CCDC148: variants seen among roughly 807,000 people sequenced by gnomAD.
The protein encoded by CCDC148 is coiled-coil domain-containing protein 148.
In CCDC148, 89 loss-of-function variants were observed where a neutral mutation model predicts 85.7. The observed-to-expected ratio is 1.04, with a 90% CI of 0.87 to 1.24. The LOEUF (loss-of-function observed/expected upper bound fraction) is 1.24, where lower values mean the gene tolerates loss of function less well. Ranked by LOEUF, CCDC148 falls within the 50% of genes most tolerant of loss-of-function variation. The pLI is 0.00. For missense variants in CCDC148, 692 were observed against 671.7 expected (o/e 1.03, Z -0.33); for synonymous variants, 230 against 213.9 (o/e 1.08, Z -0.66).
At chr2:158,351,664 T>A (rs1683300893) in intron 2 of CCDC148, among the ~76,000 whole-genome samples, 1 of 152,160 alleles carries the variant, frequency 6.6e-6, no homozygotes, top group African/African-American at 2.4e-5. Context: ...CGCCCGCCAT[T>A]GCCCAGGCTT....
rs549738058 is a variant in CCDC148 at position 158,389,192 on chromosome 2, T to C, written c.26-30622A>G. 5.9e-5 allele frequency among the ~76,000 whole-genome samples: 9 copies of C among 152,320 alleles called. No homozygotes were observed. The East Asian group carries it at 1.7e-3, about 29-fold the overall frequency. ...GAGAACTTAAAAATCTCACAGCATA[T>C]GTTGGTGGTCCCCAATATGAGAAAC... On this transcript the variant is annotated intron_variant, in intron 1 of 13. Transcript: ENST00000283233.
chr2:158,433,838 C>T (rs1360980922), intron 1 of CCDC148, among the ~76,000 whole-genome samples: 5 of 152,244 alleles, frequency 3.3e-5, no homozygotes, highest in African/African-American at 9.6e-5. Context: ...CTGTGCCTGG[C>T]TCAGAGGGTC....
chr2:158,307,374 A>C (rs565114256), intron 9 of CCDC148, among the ~76,000 whole-genome samples: 7 of 152,322 alleles, frequency 4.6e-5, no homozygotes, highest in Non-Finnish European at 7.3e-5. Context: ...ATGAGGTACC[A>C]CTACTCAGTC....
At chr2:158,442,726 C>T (rs1206945136) in intron 1 of CCDC148, among the ~76,000 whole-genome samples, 2 of 152,234 alleles carry the variant, frequency 1.3e-5, no homozygotes, top group Admixed American at 1.3e-4. Flanking sequence ...TTCCAGCCTG[C>T]GCTGAAGTCA....
intron 7 of CCDC148, among the ~76,000 whole-genome samples, chr2:158,330,408 G>T (rs565793861): frequency 6.6e-6 from 1 of 152,262 alleles, no homozygotes; most frequent in East Asian, 1.9e-4. Flanking sequence ...GATTCAGTTT[G>T]CCAGCATTTT....
At chr2:158,332,988 G>A (rs1388309129) in intron 7 of CCDC148, among the ~76,000 whole-genome samples, 1 of 151,920 alleles carries the variant, frequency 6.6e-6, no homozygotes, top group Admixed American at 6.6e-5. Flanking sequence ...AGCAGTTCCT[G>A]GATTCATTGA....
chr2:158,233,666 G>C (rs1437200898), intron 10 of CCDC148, among the ~76,000 whole-genome samples: 3 of 151,996 alleles, frequency 2.0e-5, no homozygotes, highest in African/African-American at 7.3e-5. Context: ...CATTTAGCCA[G>C]TTCATGCAGG....
At chr2:158,314,021 A>G (rs1042291793) in intron 7 of CCDC148, 127 bp from the exon 8 acceptor site, 12 of 799,496 alleles carry the variant, frequency 1.5e-5, no homozygotes, top group African/African-American at 1.4e-4. Flanking sequence ...TTTTAAATAC[A>G]TTAGCCAAAT....
chr2:158,336,768 A>C (rs1682408125), intron 7 of CCDC148, among the ~76,000 whole-genome samples: 1 of 152,128 alleles, frequency 6.6e-6, no homozygotes, highest in African/African-American at 2.4e-5. Context: ...ACAATCATTT[A>C]TTTAAAGATG....
intron 11 of CCDC148, among the ~76,000 whole-genome samples, chr2:158,188,708 T>C (rs868611054): frequency 6.6e-6 from 1 of 151,762 alleles, no homozygotes. Flanking sequence ...CTAAGTCTTC[T>C]AAAAATGCAA....
chr2:158,235,060 A>T (rs1688038542), intron 10 of CCDC148, among the ~76,000 whole-genome samples: 1 of 152,196 alleles, frequency 6.6e-6, no homozygotes, highest in African/African-American at 2.4e-5. Flanking sequence ...AATAATCTGT[A>T]CAACAAACAC....
intron 1 of CCDC148, among the ~76,000 whole-genome samples, chr2:158,427,291 C>G (rs920129764): frequency 6.6e-6 from 1 of 151,998 alleles, no homozygotes; most frequent in African/African-American, 2.4e-5. Context: ...AAATGGAAAC[C>G]ACTGAGTAAT....
chr2:158,231,682 G>A (rs1687863521), intron 10 of CCDC148, among the ~76,000 whole-genome samples: 1 of 152,006 alleles, frequency 6.6e-6, no homozygotes, highest in Non-Finnish European at 1.5e-5. Context: ...AATCTGCATT[G>A]TTTATCTTTG....
intron 10 of CCDC148, among the ~76,000 whole-genome samples, chr2:158,238,149 C>A (rs760318650): frequency 2.0e-5 from 3 of 151,832 alleles, no homozygotes; most frequent in South Asian, 4.2e-4. Context: ...CATGTGGGAT[C>A]AAGGGAGGGT....
At chr2:158,301,581 G>C (rs1036764211) in intron 9 of CCDC148, among the ~76,000 whole-genome samples, 1 of 152,202 alleles carries the variant, frequency 6.6e-6, no homozygotes. Context: ...ATGAAGTAAG[G>C]ATATAAGAGC....
chr2:158,218,675 A>G (rs993655295), intron 11 of CCDC148, among the ~76,000 whole-genome samples: 11 of 152,192 alleles, frequency 7.2e-5, no homozygotes, highest in Non-Finnish European at 1.6e-4. Flanking sequence ...ATAGCTTTAG[A>G]CTGATCAACC....
At chr2:158,401,459 C>A (rs1012469188) in intron 1 of CCDC148, among the ~76,000 whole-genome samples, 1 of 152,074 alleles carries the variant, frequency 6.6e-6, no homozygotes, top group African/African-American at 2.4e-5. Flanking sequence ...GACAGAAAAC[C>A]AAACACTGCA....
At chr2:158,363,775 AC>A (rs1388584928) in intron 1 of CCDC148, among the ~76,000 whole-genome samples, 1 of 152,210 alleles carries the variant, frequency 6.6e-6, no homozygotes, top group Non-Finnish European at 1.5e-5. Context: ...GCCCTCTCTC[AC>A]CACTCCTATT....
chr2:158,195,583 T>A (rs1051791921), intron 11 of CCDC148, among the ~76,000 whole-genome samples: 3 of 152,196 alleles, frequency 2.0e-5, no homozygotes, highest in Non-Finnish European at 2.9e-5. Flanking sequence ...AGGGACCCAT[T>A]GTCCCTAGCT....
Sources: allele counts gnomAD v4.1 joint callset (sites outside exome capture counted in the v4.1 genomes callset), GRCh38; gene constraint gnomAD v4.1.1; transcripts MANE v1.5; gene names NCBI Gene and HGNC (gene_info 2026-07-23, HGNC 2026-07-21).